The following GOLGA4 variants were observed in gnomAD, a reference collection of about 807,000 sequenced individuals.
GOLGA4 encodes the protein golgin subfamily A member 4.
A neutral mutation model predicts 265.9 loss-of-function variants in GOLGA4; 169 were observed. The ratio of observed to expected loss-of-function variants is 0.64; its 90% CI spans 0.56 to 0.72. The LOEUF is 0.72. Ranked by LOEUF, GOLGA4 falls within the 30% of genes least tolerant of loss-of-function variation. The pLI is 0.00. For missense variants in GOLGA4, 2,482 were observed against 2,483.4 expected (o/e 1.00, Z 0.01); for synonymous variants, 923 against 855.8 (o/e 1.08, Z -1.37).
At chr3:37,337,962 A>T (rs2097020044) in intron 19 of GOLGA4, among the ~76,000 whole-genome samples, 1 of 152,204 alleles carries the variant, frequency 6.6e-6, no homozygotes, top group Non-Finnish European at 1.5e-5. Flanking sequence ...CATTTTTTAT[A>T]ACAATTTGTG....
chr3:37,318,551 C>T (rs1027772252), intron 11 of GOLGA4, among the ~76,000 whole-genome samples: 1 of 151,036 alleles, frequency 6.6e-6, no homozygotes, highest in Admixed American at 6.6e-5. Context: ...CAGTGGGCTC[C>T]CCCATTCTGT....
At chr3:37,318,998 T>A in intron 11 of GOLGA4, 65 bp from the exon 12 acceptor site, 1 of 1,082,232 alleles carries the variant, frequency 9.2e-7, no homozygotes, top group East Asian at 2.4e-5. Context: ...AATAGTATTA[T>A]TTAGTTGTGG....
intron 15 of GOLGA4, 62 bp downstream of exon 15, chr3:37,328,599 T>C (rs1002745568): frequency 8.2e-6 from 12 of 1,469,368 alleles, no homozygotes; most frequent in Non-Finnish European, 1.1e-5. Flanking sequence ...TTTAAGCTTA[T>C]CATTTTTGCA....
chr3:37,253,899 C>A (rs1222734510), intron 2 of GOLGA4, among the ~76,000 whole-genome samples: 3 of 151,810 alleles, frequency 2.0e-5, no homozygotes, highest in African/African-American at 7.3e-5. Context: ...CCCTGTAATC[C>A]CAGCTATTTG....
At chr3:37,358,560 G>A (rs1469319354) in intron 22 of GOLGA4, among the ~76,000 whole-genome samples, 3 of 152,144 alleles carry the variant, frequency 2.0e-5, no homozygotes, top group African/African-American at 7.2e-5. Flanking sequence ...AATTCTCAGA[G>A]CCTCTTTTCT....
intron 1 of GOLGA4, 78 bp from the exon 2 acceptor site, chr3:37,251,317 C>T: frequency 1.2e-6 from 1 of 835,248 alleles, no homozygotes; most frequent in Non-Finnish European, 2.0e-6. Flanking sequence ...TGGGCATGGA[C>T]TGAGAGAAGG....
At chr3:37,336,343 A>G (rs1192893671) in intron 17 of GOLGA4, among the ~76,000 whole-genome samples, 2 of 152,306 alleles carry the variant, frequency 1.3e-5, no homozygotes, top group Admixed American at 6.5e-5. Flanking sequence ...CCTTAGTATC[A>G]AAGTATTAAT....
At chr3:37,260,533 G>A (rs1578387446) in intron 2 of GOLGA4, among the ~76,000 whole-genome samples, 1 of 152,084 alleles carries the variant, frequency 6.6e-6, no homozygotes, top group African/African-American at 2.4e-5. Context: ...CTACTCAGGA[G>A]GCTGAGGCGG....
intron 23 of GOLGA4, among the ~76,000 whole-genome samples, chr3:37,362,226 T>G (rs1559479345): frequency 8.6e-6 from 1 of 116,292 alleles, no homozygotes; most frequent in Admixed American, 1.0e-4. Flanking sequence ...TATTTATTTA[T>G]TTATTTATTT....
intron 10 of GOLGA4, among the ~76,000 whole-genome samples, chr3:37,310,264 C>T (rs1411682419): frequency 2.0e-5 from 3 of 152,152 alleles, no homozygotes; most frequent in Non-Finnish European, 2.9e-5. Flanking sequence ...CATGAAACCT[C>T]AGAATTCTGG....
At chr3:37,245,214 G>A (rs2096715731) in intron 1 of GOLGA4, 1 of 152,632 alleles carries the variant, frequency 6.6e-6, no homozygotes, top group South Asian at 2.1e-4. Context: ...TCATTAGTAT[G>A]TACCAGACAT....
intron 22 of GOLGA4, among the ~76,000 whole-genome samples, chr3:37,356,269 ACT>A (rs1318047541): frequency 1.3e-5 from 2 of 151,808 alleles, no homozygotes; most frequent in Admixed American, 6.6e-5. Flanking sequence ...AGTTCCTCTG[ACT>A]CTCTGCACAA....
At position 37,317,576 on chromosome 3, in the gene GOLGA4, C is replaced by T. The variant is rs147131805; in HGVS notation, c.1414-1487C>T. On this transcript the variant is annotated intron_variant, in intron 11 of 23. Transcript: ENST00000361924. ...AGATTACATGTATTTTTAATTGTTG[C>T]CTAGTTGCTGTGAGGTCTGTGGAAG... Among the ~76,000 whole-genome samples the T allele has an allele frequency of 5.7e-3, 871 of 152,234 alleles. 6 individuals are homozygous for T. Among genetic ancestry groups the T allele is most frequent in the Non-Finnish European group, 9.3e-3 (633 of 68,004 alleles).
chr3:37,299,154 C>A, intron 8 of GOLGA4, 134 bp downstream of exon 8: 1 of 922,400 alleles, frequency 1.1e-6, no homozygotes, highest in Non-Finnish European at 1.7e-6. Context: ...CTACATAACA[C>A]CAAACCTTGA....
At chr3:37,354,856 T>C (rs573529664) in intron 21 of GOLGA4, among the ~76,000 whole-genome samples, 1 of 152,156 alleles carries the variant, frequency 6.6e-6, no homozygotes, top group East Asian at 1.9e-4. Flanking sequence ...CATTAGAATT[T>C]TATATAGCTT....
intron 22 of GOLGA4, among the ~76,000 whole-genome samples, chr3:37,355,896 C>T (rs545300505): frequency 7.0e-4 from 107 of 152,078 alleles, no homozygotes; most frequent in African/African-American, 2.5e-3. Context: ...TAGAGCCCTC[C>T]GTGAATACCC....
intron 2 of GOLGA4, among the ~76,000 whole-genome samples, chr3:37,273,071 ATG>A (rs2096803208): frequency 6.6e-6 from 1 of 152,242 alleles, no homozygotes; most frequent in Non-Finnish European, 1.5e-5. Flanking sequence ...CTTCAAATGA[ATG>A]AGACATTACC....
intron 2 of GOLGA4, among the ~76,000 whole-genome samples, chr3:37,274,114 A>G (rs1025743076): frequency 2.0e-5 from 3 of 151,504 alleles, no homozygotes; most frequent in Non-Finnish European, 2.9e-5. Flanking sequence ...AAAAAAAAAA[A>G]AAGATAATAA....
intron 10 of GOLGA4, among the ~76,000 whole-genome samples, chr3:37,305,077 C>T (rs1456847601): frequency 6.6e-6 from 1 of 152,068 alleles, no homozygotes; most frequent in African/African-American, 2.4e-5. Context: ...TGCCACCACA[C>T]TTGGCTAATT....
Sources: allele counts gnomAD v4.1 joint callset (sites outside exome capture counted in the v4.1 genomes callset), GRCh38; gene constraint gnomAD v4.1.1; transcripts MANE v1.5; gene names NCBI Gene and HGNC (gene_info 2026-07-23, HGNC 2026-07-21).